Variants in TASP1 observed in about 807,000 individuals in gnomAD.
The protein encoded by TASP1 is taspase 1.
TASP1 carries 16 observed loss-of-function variants against 56.6 expected under a neutral mutation model. The ratio of observed to expected loss-of-function variants is 0.28; its 90% CI spans 0.19 to 0.43. The LOEUF (loss-of-function observed/expected upper bound fraction) is 0.43, where lower values mean the gene tolerates loss of function less well. TASP1 is among the 20% of genes least tolerant of loss of function. The pLI is 1.00. For missense variants in TASP1, 393 were observed against 511.6 expected (o/e 0.77, Z 2.24); for synonymous variants, 179 against 184.2 (o/e 0.97, Z 0.23).
At chr20:13,483,995 A>G (rs1400944964) in intron 10 of TASP1, among the ~76,000 whole-genome samples, 1 of 152,138 alleles carries the variant, frequency 6.6e-6, no homozygotes, top group Non-Finnish European at 1.5e-5. Context: ...AAAAGTGGGC[A>G]AAGGATATGC....
the TASP1 span, among the ~76,000 whole-genome samples, chr20:13,228,383 C>A: frequency 6.6e-6 from 1 of 152,170 alleles, no homozygotes. Context: ...GAACCTATAT[C>A]TTTAGACATA....
intron 13 of TASP1, among the ~76,000 whole-genome samples, chr20:13,416,190 T>C (rs1194550332): frequency 3.3e-5 from 5 of 152,236 alleles, no homozygotes; most frequent in African/African-American, 1.2e-4. Context: ...AAAACAGAGA[T>C]ATAAAATGTT....
the TASP1 span, among the ~76,000 whole-genome samples, chr20:13,357,553 ATGG>A: frequency 1.3e-5 from 2 of 152,358 alleles, no homozygotes; most frequent in East Asian, 3.9e-4. Context: ...CGTGATAAAA[ATGG>A]AAGATCAATT....
chr20:13,275,078 G>C, the TASP1 span, among the ~76,000 whole-genome samples: 1 of 152,146 alleles, frequency 6.6e-6, no homozygotes, highest in South Asian at 2.1e-4. Context: ...GCACTGTTAG[G>C]CTTACTACAT....
chr20:13,594,204 C>T (rs1239686763), intron 4 of TASP1, among the ~76,000 whole-genome samples: 1 of 152,146 alleles, frequency 6.6e-6, no homozygotes, highest in Non-Finnish European at 1.5e-5. Context: ...GACATCCACA[C>T]CAAAAACCCC....
chr20:13,212,156 C>T, the TASP1 span, among the ~76,000 whole-genome samples: 3 of 152,172 alleles, frequency 2.0e-5, no homozygotes, highest in East Asian at 1.9e-4. Context: ...TGGGTGGGGT[C>T]GGTGTAACTA....
chr20:13,375,735 TC>T, the TASP1 span, among the ~76,000 whole-genome samples: 1 of 152,202 alleles, frequency 6.6e-6, no homozygotes, highest in African/African-American at 2.4e-5. Flanking sequence ...CCACATTTTC[TC>T]CAGCATCTGT....
the TASP1 span, among the ~76,000 whole-genome samples, chr20:13,321,804 G>T: frequency 2.0e-4 from 30 of 152,154 alleles, no homozygotes; most frequent in African/African-American, 5.6e-4. Context: ...ATTTTACTAG[G>T]GAATGTCGAA....
At chr20:13,345,516 C>T in the TASP1 span, among the ~76,000 whole-genome samples, 1 of 152,210 alleles carries the variant, frequency 6.6e-6, no homozygotes, top group Non-Finnish European at 1.5e-5. Flanking sequence ...TGAGTTGTCT[C>T]CCTGAGTTGA....
At chr20:13,447,637 A>T (rs111249223) in intron 11 of TASP1, among the ~76,000 whole-genome samples, 5,663 of 152,208 alleles carry the variant, frequency 0.037, 132 homozygotes, top group African/African-American at 0.058. Context: ...AGACAGCCAA[A>T]CAGAAAGAGG....
chr20:13,292,279 G>C, the TASP1 span: 5 of 750,940 alleles, frequency 6.7e-6, no homozygotes, highest in Non-Finnish European at 1.1e-5. Context: ...TACAAAAAAG[G>C]CTTTGTTCAG....
intron 13 of TASP1, among the ~76,000 whole-genome samples, chr20:13,416,756 G>T (rs533693776): frequency 2.7e-4 from 41 of 152,176 alleles, no homozygotes; most frequent in Non-Finnish European, 4.7e-4. Flanking sequence ...AGAAGAACAT[G>T]AGGCCAATAT....
chr20:13,428,563 C>T (rs1028052369), intron 12 of TASP1, among the ~76,000 whole-genome samples: 8 of 152,132 alleles, frequency 5.3e-5, no homozygotes, highest in Admixed American at 5.2e-4. Context: ...CTGTTTCATT[C>T]CAGGGACAAG....
the TASP1 span, chr20:13,168,077 T>C: frequency 6.6e-6 from 1 of 152,210 alleles, no homozygotes; most frequent in Non-Finnish European, 1.5e-5. Context: ...TGAAGAACCA[T>C]CTGCGATTCA....
chr20:13,170,949 C>T, the TASP1 span, among the ~76,000 whole-genome samples: 6 of 152,174 alleles, frequency 3.9e-5, no homozygotes. Context: ...AATCAATCTA[C>T]CCTACAACTT....
At chr20:13,535,199 TG>T (rs1296262281) in intron 8 of TASP1, among the ~76,000 whole-genome samples, 1 of 152,056 alleles carries the variant, frequency 6.6e-6, no homozygotes, top group African/African-American at 2.4e-5. Context: ...AGAAGCAAAA[TG>T]ACACACTAAA....
chr20:13,382,298 G>A, the TASP1 span, among the ~76,000 whole-genome samples: 1 of 152,218 alleles, frequency 6.6e-6, no homozygotes, highest in Non-Finnish European at 1.5e-5. Flanking sequence ...GTTGGAGTCT[G>A]TGGAGCTTCT....
chr20:13,638,795 C>G (rs2049410741), intron 1 of TASP1, 99 bp downstream of exon 1: 1 of 152,474 alleles, frequency 6.6e-6, no homozygotes, highest in Non-Finnish European at 1.5e-5. Context: ...CCTCTCGGAC[C>G]CGGAGAGGAC....
chr20:13,275,150 A>T, the TASP1 span, among the ~76,000 whole-genome samples: 1 of 152,164 alleles, frequency 6.6e-6, no homozygotes, highest in African/African-American at 2.4e-5. Flanking sequence ...TCAAGTTGAG[A>T]TTAGTATTCA....
Sources: allele counts gnomAD v4.1 joint callset (sites outside exome capture counted in the v4.1 genomes callset), GRCh38; gene constraint gnomAD v4.1.1; transcripts MANE v1.5; gene names NCBI Gene and HGNC (gene_info 2026-07-23, HGNC 2026-07-21).